Variants in MACROD2 observed in about 807,000 individuals in gnomAD.
MACROD2 encodes ADP-ribose glycohydrolase MACROD2.
A neutral mutation model predicts 70.4 loss-of-function variants in MACROD2; 36 were observed. The observed-to-expected ratio is 0.51, with a 90% CI of 0.39 to 0.68. The LOEUF (loss-of-function observed/expected upper bound fraction) is 0.68. MACROD2 is among the 30% of genes least tolerant of loss of function. The pLI is 0.00. For missense variants in MACROD2, 496 were observed against 538.4 expected (o/e 0.92, Z 0.78); for synonymous variants, 172 against 178.8 (o/e 0.96, Z 0.30).
intron 5 of MACROD2, among the ~76,000 whole-genome samples, chr20:14,932,398 C>A (rs1173400016): frequency 6.6e-6 from 1 of 152,126 alleles, no homozygotes; most frequent in African/African-American, 2.4e-5. Flanking sequence ...GACCTTTTCT[C>A]TCCAGAGCTA....
chr20:14,776,889 T>G (rs184915740), intron 5 of MACROD2, among the ~76,000 whole-genome samples: 1 of 152,186 alleles, frequency 6.6e-6, no homozygotes, highest in Non-Finnish European at 1.5e-5. Context: ...TTTTCCAAAT[T>G]TAAATAAATA....
chr20:14,254,987 C>T (rs1266438515), intron 3 of MACROD2, among the ~76,000 whole-genome samples: 1 of 152,030 alleles, frequency 6.6e-6, no homozygotes, highest in Non-Finnish European at 1.5e-5. Context: ...TATTTTATTT[C>T]TCCTTCACTT....
chr20:15,874,589 T>A (rs1399703863), intron 9 of MACROD2, among the ~76,000 whole-genome samples: 1 of 152,166 alleles, frequency 6.6e-6, no homozygotes, highest in Non-Finnish European at 1.5e-5. Flanking sequence ...GTTTCCTGAC[T>A]TTTTAATGAT....
intron 5 of MACROD2, among the ~76,000 whole-genome samples, chr20:14,890,678 C>T (rs758250670): frequency 2.6e-4 from 39 of 150,708 alleles, no homozygotes; most frequent in Admixed American, 8.0e-4. Context: ...AGGAGGATTA[C>T]GTGAGCCCAG....
chr20:14,573,685 C>A (rs1270403985), intron 4 of MACROD2, among the ~76,000 whole-genome samples: 1 of 152,040 alleles, frequency 6.6e-6, no homozygotes, highest in East Asian at 1.9e-4. Context: ...TGCTATACTG[C>A]CATCTTTTTG....
At chr20:15,582,929 G>A (rs1371365012) in intron 8 of MACROD2, among the ~76,000 whole-genome samples, 2 of 152,112 alleles carry the variant, frequency 1.3e-5, no homozygotes, top group Admixed American at 1.3e-4. Context: ...TGGAGTTCTG[G>A]CAATTGAAAA....
intron 15 of MACROD2, among the ~76,000 whole-genome samples, chr20:16,011,600 A>T (rs923716325): frequency 1.3e-5 from 2 of 152,244 alleles, no homozygotes; most frequent in Admixed American, 1.3e-4. Flanking sequence ...GTTGACTGGG[A>T]GAGCCATCAG....
At chr20:16,030,241 G>A (rs145966740) in intron 15 of MACROD2, among the ~76,000 whole-genome samples, 1 of 152,290 alleles carries the variant, frequency 6.6e-6, no homozygotes, top group African/African-American at 2.4e-5. Flanking sequence ...GACAAATTTG[G>A]GGGGAACCTG....
At chr20:15,868,109 G>A (rs2064519641) in intron 9 of MACROD2, among the ~76,000 whole-genome samples, 1 of 152,162 alleles carries the variant, frequency 6.6e-6, no homozygotes, top group African/African-American at 2.4e-5. Context: ...TCCATCTGCT[G>A]GTACTGTCTC....
At chr20:14,719,803 G>T (rs1351684473) in intron 5 of MACROD2, among the ~76,000 whole-genome samples, 1 of 152,154 alleles carries the variant, frequency 6.6e-6, no homozygotes, top group Admixed American at 6.5e-5. Context: ...GTCATTAAAA[G>T]CTCCCAGCTA....
At chr20:14,419,296 C>T (rs942476045) in intron 3 of MACROD2, among the ~76,000 whole-genome samples, 21 of 152,268 alleles carry the variant, frequency 1.4e-4, no homozygotes, top group Non-Finnish European at 2.4e-4. Flanking sequence ...TCAGGTGATC[C>T]GCCTGCCTCA....
At chr20:15,394,605 GTT>G (rs942715136) in intron 6 of MACROD2, among the ~76,000 whole-genome samples, 1 of 152,206 alleles carries the variant, frequency 6.6e-6, no homozygotes, top group Non-Finnish European at 1.5e-5. Context: ...AGTGTAAGTG[GTT>G]CTGAAGGAGT....
chr20:14,530,927 T>C (rs1164616971), intron 4 of MACROD2, among the ~76,000 whole-genome samples: 1 of 152,132 alleles, frequency 6.6e-6, no homozygotes, highest in Non-Finnish European at 1.5e-5. Flanking sequence ...TAGCAAAAGG[T>C]GGTTGTTAAT....
intron 6 of MACROD2, among the ~76,000 whole-genome samples, chr20:15,368,495 T>C (rs1012085764): frequency 6.8e-6 from 1 of 147,462 alleles, no homozygotes; most frequent in African/African-American, 2.6e-5. Context: ...AGGGTCTCGC[T>C]CTGTTACCCA....
At chr20:14,000,575 G>C (rs977946885) in intron 1 of MACROD2, among the ~76,000 whole-genome samples, 11 of 152,084 alleles carry the variant, frequency 7.2e-5, no homozygotes, top group South Asian at 2.1e-4. Context: ...AGAAATAACT[G>C]TCTCTCTCTC....
intron 12 of MACROD2, among the ~76,000 whole-genome samples, chr20:15,946,286 A>G (rs1362202274): frequency 6.6e-6 from 1 of 151,894 alleles, no homozygotes; most frequent in East Asian, 1.9e-4. Context: ...AATCCTGATC[A>G]TTTTTCAGAG....
At chr20:15,351,118 T>C (rs1184885900) in intron 6 of MACROD2, among the ~76,000 whole-genome samples, 3 of 30,006 alleles carry the variant, frequency 1.0e-4, no homozygotes, top group East Asian at 2.1e-3. Context: ...CCTTGTAGGG[T>C]GGGGGTGGGG....
intron 6 of MACROD2, among the ~76,000 whole-genome samples, chr20:15,359,340 A>AT (rs1315017213): frequency 3.3e-5 from 5 of 151,884 alleles, no homozygotes; most frequent in African/African-American, 9.7e-5. Flanking sequence ...AATTTGGGAG[A>AT]TTTTTTAATT....
chr20:14,932,936 C>G (rs2074309016), intron 5 of MACROD2, among the ~76,000 whole-genome samples: 1 of 152,130 alleles, frequency 6.6e-6, no homozygotes, highest in African/African-American at 2.4e-5. Flanking sequence ...AATTATATAA[C>G]TAATTTCTGG....
Sources: allele counts gnomAD v4.1 joint callset (sites outside exome capture counted in the v4.1 genomes callset), GRCh38; gene constraint gnomAD v4.1.1; transcripts MANE v1.5; gene names NCBI Gene and HGNC (gene_info 2026-07-23, HGNC 2026-07-21).